TGFB2: variants seen among roughly 807,000 people sequenced by gnomAD.
TGFB2 encodes transforming growth factor beta-2 proprotein.
In TGFB2, 13 loss-of-function variants were observed where a neutral mutation model predicts 42.7. That is an observed-to-expected ratio of 0.30 (90% confidence interval 0.20 to 0.48). The LOEUF is 0.48. TGFB2 is among the 20% of genes least tolerant of loss of function. The probability of loss-of-function intolerance (pLI) is 0.99; values close to 1 mark genes in which losing one functional copy is unlikely to be tolerated. For missense variants in TGFB2, 390 were observed against 517.5 expected (o/e 0.75, Z 2.39); for synonymous variants, 193 against 193.6 (o/e 1.00, Z 0.03).
chr1:218,437,285 G>A, intron 5 of TGFB2, 58 bp from the exon 6 acceptor site: 1 of 1,498,442 alleles, frequency 6.7e-7, no homozygotes, highest in Non-Finnish European at 8.9e-7. Flanking sequence ...TGGTGGTAGA[G>A]TGAGGGTGGT....
intron 1 of TGFB2, among the ~76,000 whole-genome samples, chr1:218,382,204 G>A (rs1657989166): frequency 6.6e-6 from 1 of 152,290 alleles, no homozygotes; most frequent in South Asian, 2.1e-4. Flanking sequence ...AGTGCTCAAA[G>A]CTGTCTTCCA....
chr1:218,397,330 A>G (rs1426275613), intron 1 of TGFB2, among the ~76,000 whole-genome samples: 2 of 151,524 alleles, frequency 1.3e-5, no homozygotes, highest in East Asian at 2.0e-4. Flanking sequence ...TTGGGAGGCT[A>G]AGGCAGGCGG....
At chr1:218,390,366 T>C (rs1658281131) in intron 1 of TGFB2, among the ~76,000 whole-genome samples, 1 of 152,130 alleles carries the variant, frequency 6.6e-6, no homozygotes, top group African/African-American at 2.4e-5. Context: ...TATTTTTTTC[T>C]TAAGAATTCT....
intron 1 of TGFB2, among the ~76,000 whole-genome samples, chr1:218,400,240 C>T (rs1311526947): frequency 6.6e-6 from 1 of 151,868 alleles, no homozygotes; most frequent in African/African-American, 2.4e-5. Context: ...AAAAGGAGTA[C>T]TATTGAAGAT....
intron 2 of TGFB2, among the ~76,000 whole-genome samples, chr1:218,433,103 C>T (rs1403004566): frequency 6.6e-6 from 1 of 152,114 alleles, no homozygotes; most frequent in Non-Finnish European, 1.5e-5. Flanking sequence ...CAATCCCACT[C>T]TGTCACCCAG....
intron 2 of TGFB2, among the ~76,000 whole-genome samples, chr1:218,417,312 C>T (rs1005845096): frequency 1.6e-4 from 25 of 152,164 alleles, no homozygotes; most frequent in East Asian, 7.7e-4. Context: ...GGTGACTCTA[C>T]GCTTTGTTTT....
At chr1:218,398,538 CCTTTAA>C (rs1658601824) in intron 1 of TGFB2, among the ~76,000 whole-genome samples, 1 of 150,774 alleles carries the variant, frequency 6.6e-6, no homozygotes. Flanking sequence ...TTTTTATTAA[CCTTTAA>C]CTTTATTTTG....
chr1:218,436,182 T>C (rs1233196103), intron 5 of TGFB2, 35 bp downstream of exon 5: 1 of 1,596,926 alleles, frequency 6.3e-7, no homozygotes, highest in Non-Finnish European at 8.5e-7. Context: ...AGTAATTGCA[T>C]CTGTTAACTC....
chr1:218,416,288 G>A (rs756398602), intron 2 of TGFB2, among the ~76,000 whole-genome samples: 1 of 149,186 alleles, frequency 6.7e-6, no homozygotes, highest in Non-Finnish European at 1.5e-5. Flanking sequence ...TTTTAATAAG[G>A]TTCCTTTTTT....
chr1:218,416,292 C>CT (rs35642714), intron 2 of TGFB2, among the ~76,000 whole-genome samples: 11,432 of 148,306 alleles, frequency 0.077, 501 homozygotes, highest in Non-Finnish European at 0.11. Context: ...AATAAGGTTC[C>CT]TTTTTTTTTT....
At chr1:218,358,893 T>G (rs537563438) in intron 1 of TGFB2, among the ~76,000 whole-genome samples, 1 of 152,284 alleles carries the variant, frequency 6.6e-6, no homozygotes, top group East Asian at 1.9e-4. Context: ...AAAGTGTGAA[T>G]GACTTATTCT....
At position 218,428,434 on chromosome 1, in the gene TGFB2, G is replaced by T. The variant is rs1244154674; in HGVS notation, c.511-5648G>T. Reference sequence around the variant, plus strand: ...CCATGCCCATGTCCTGAATGGTATTGCCTGGGTTTTCTTCTAGGGCTTTTA... The same window carrying T: ...CCATGCCCATGTCCTGAATGGTATTTCCTGGGTTTTCTTCTAGGGCTTTTA... On this transcript the variant is annotated intron_variant, in intron 2 of 6. Transcript: ENST00000366930. Among the ~76,000 whole-genome samples, 5 of 152,178 alleles carry T rather than the reference G, an allele frequency of 3.3e-5. No homozygotes were observed. In the East Asian group the frequency reaches 9.6e-4, roughly 29 times the overall value.
intron 1 of TGFB2, among the ~76,000 whole-genome samples, chr1:218,369,256 GAAAAAAAAAAAAAAAAAAA>G (rs34825461): frequency 0.022 from 770 of 35,680 alleles, 21 homozygotes; most frequent in African/African-American, 0.064. Flanking sequence ...TTCCGTCTCA[GAAAAAAAAAAAAAAAAAAA>G]AAAAAAAAAA....
At chr1:218,436,554 A>G (rs1464529327) in intron 5 of TGFB2, among the ~76,000 whole-genome samples, 3 of 152,202 alleles carry the variant, frequency 2.0e-5, no homozygotes, top group Non-Finnish European at 4.4e-5. Context: ...CACTTCTTTC[A>G]TAGTAACAGA....
intron 6 of TGFB2, among the ~76,000 whole-genome samples, chr1:218,439,899 A>C (rs1660098358): frequency 6.6e-6 from 1 of 152,222 alleles, no homozygotes; most frequent in Admixed American, 6.5e-5. Flanking sequence ...TAGCTTAATA[A>C]AGTAGTCAGT....
intron 1 of TGFB2, among the ~76,000 whole-genome samples, chr1:218,356,661 C>T (rs1657043761): frequency 6.6e-6 from 1 of 152,126 alleles, no homozygotes; most frequent in Admixed American, 6.6e-5. Context: ...GACATGCAGG[C>T]GGGGCTTCTA....
intron 1 of TGFB2, among the ~76,000 whole-genome samples, chr1:218,355,118 G>C (rs949771447): frequency 1.3e-5 from 2 of 152,174 alleles, no homozygotes; most frequent in African/African-American, 4.8e-5. Flanking sequence ...GGTCAGGCTG[G>C]TCTCGAACTG....
intron 1 of TGFB2, among the ~76,000 whole-genome samples, chr1:218,394,484 G>A (rs142095540): frequency 4.6e-5 from 7 of 151,700 alleles, no homozygotes; most frequent in East Asian, 1.9e-4. Flanking sequence ...TTTTTTTTGC[G>A]CAGTGTAAGA....
At chr1:218,406,737 G>C (rs989766950) in intron 2 of TGFB2, among the ~76,000 whole-genome samples, 5 of 152,190 alleles carry the variant, frequency 3.3e-5, no homozygotes, top group African/African-American at 1.2e-4. Context: ...GAATGGGCTT[G>C]CTGAGGGTAC....
Sources: allele counts gnomAD v4.1 joint callset (sites outside exome capture counted in the v4.1 genomes callset), GRCh38; gene constraint gnomAD v4.1.1; transcripts MANE v1.5; gene names NCBI Gene and HGNC (gene_info 2026-07-23, HGNC 2026-07-21).